The following AHI1 variants were observed in gnomAD, a reference collection of about 807,000 sequenced individuals.
The protein encoded by AHI1 is Abelson helper integration site 1, also known as jouberin.
A neutral mutation model predicts 149.3 loss-of-function variants in AHI1; 123 were observed. That is an observed-to-expected ratio of 0.82 (90% CI 0.71 to 0.96). The LOEUF (loss-of-function observed/expected upper bound fraction) is 0.96, where lower values mean the gene tolerates loss of function less well. AHI1 is among the 40% of genes least tolerant of loss of function. AHI1 has a pLI of 0.00. For synonymous variants in AHI1, 475 were observed against 459.8 expected (o/e 1.03, Z -0.42); for missense variants, 1,439 against 1,422.7 (o/e 1.01, Z -0.18).
intron 15 of AHI1, among the ~76,000 whole-genome samples, chr6:135,437,509 C>A (rs567013463): frequency 6.6e-6 from 1 of 152,276 alleles, no homozygotes; most frequent in Admixed American, 6.5e-5. Context: ...TAAATAAAAA[C>A]TAACCAATAA....
chr6:135,431,396 C>T (rs553670308), intron 16 of AHI1, 82 bp from the exon 17 acceptor site: 3 of 809,320 alleles, frequency 3.7e-6, no homozygotes, highest in Admixed American at 2.8e-5. Context: ...GGAAACTATA[C>T]CCCAGTAAAA....
At position 135,301,172 on chromosome 6, in the gene AHI1, G is replaced by C. The variant is rs1783831812; in HGVS notation, c.3427-614C>G. On this transcript the variant is annotated intron_variant, in intron 26 of 28. Transcript: ENST00000265602. ...AAGTATACTGTGGGAAATTGAGTTTGATATGATATATAATCTATAAATCAA... is the reference window on the plus strand; with the variant it reads ...AAGTATACTGTGGGAAATTGAGTTTCATATGATATATAATCTATAAATCAA... 8.1e-6 allele frequency: 8 copies of C among 982,584 alleles called. No individual in the cohort carries two copies. In the South Asian group the frequency reaches 3.8e-4, roughly 46 times the overall value. The allele number at this position is 982,584 out of a possible 1,614,324, so 60.9% of individuals were successfully genotyped here.
chr6:135,321,037 T>C (rs1285513155), intron 25 of AHI1, among the ~76,000 whole-genome samples: 1 of 152,214 alleles, frequency 6.6e-6, no homozygotes, highest in Admixed American at 6.5e-5. Flanking sequence ...TCATACGGCC[T>C]ATGTTTTTTC....
chr6:135,388,901 A>T (rs757253076), intron 23 of AHI1, among the ~76,000 whole-genome samples: 1 of 151,972 alleles, frequency 6.6e-6, no homozygotes, highest in Non-Finnish European at 1.5e-5. Context: ...AATCCCAGCT[A>T]CTCAGGAGGC....
At chr6:135,460,655 C>G (rs2614256) in intron 8 of AHI1, among the ~76,000 whole-genome samples, 150,496 of 152,334 alleles carry the variant, frequency 0.99, 74,353 homozygotes, top group East Asian at 1. Context: ...GAAGGAAAAA[C>G]CTAGAGTATA....
chr6:135,302,650 T>A, intron 26 of AHI1: 1 of 1,166,798 alleles, frequency 8.6e-7, no homozygotes. Flanking sequence ...GTTTACCACT[T>A]ACTTGAAAAG....
At chr6:135,489,667 T>C (rs926516186) in intron 5 of AHI1, among the ~76,000 whole-genome samples, 9 of 152,090 alleles carry the variant, frequency 5.9e-5, no homozygotes, top group African/African-American at 2.2e-4. Context: ...CTGTCAGTAG[T>C]TCGAAATTTT....
At chr6:135,368,697 G>C (rs2614284) in intron 23 of AHI1, among the ~76,000 whole-genome samples, 2 of 151,816 alleles carry the variant, frequency 1.3e-5, no homozygotes, top group Non-Finnish European at 2.9e-5. Context: ...GTAGTTACAG[G>C]CCTCACCCAG....
chr6:135,300,400 A>G, intron 27 of AHI1, 100 bp downstream of exon 27: 3 of 1,219,050 alleles, frequency 2.5e-6, no homozygotes, highest in East Asian at 2.7e-5. Flanking sequence ...AATTTAACTT[A>G]TAGTTTGATA....
chr6:135,425,450 A>G (rs1463174014), intron 20 of AHI1, among the ~76,000 whole-genome samples: 1 of 151,940 alleles, frequency 6.6e-6, no homozygotes, highest in Non-Finnish European at 1.5e-5. Context: ...TAGCATATTA[A>G]AACAGAAATT....
At chr6:135,335,680 C>A (rs1020891839) in intron 24 of AHI1, among the ~76,000 whole-genome samples, 45 of 152,026 alleles carry the variant, frequency 3.0e-4, no homozygotes, top group Non-Finnish European at 5.9e-4. Context: ...ATTTTAAATT[C>A]TCTTAATGAA....
chr6:135,486,752 ATATTT>A (rs957822684), intron 5 of AHI1, among the ~76,000 whole-genome samples: 2 of 152,018 alleles, frequency 1.3e-5, no homozygotes, highest in East Asian at 1.9e-4. Flanking sequence ...AAAATACCTG[ATATTT>A]TATTTTATTT....
chr6:135,387,892 G>A (rs1777833966), intron 23 of AHI1: 9 of 1,570,418 alleles, frequency 5.7e-6, no homozygotes, highest in East Asian at 2.3e-5. Flanking sequence ...ACATTTATCC[G>A]AAGAGAGAAA....
intron 26 of AHI1, among the ~76,000 whole-genome samples, chr6:135,315,791 C>T (rs1172594661): frequency 6.6e-6 from 1 of 152,166 alleles, no homozygotes; most frequent in Non-Finnish European, 1.5e-5. Context: ...CACTCCTTTG[C>T]CACTCGCATT....
chr6:135,488,797 CAAG>C (rs1283764165), intron 5 of AHI1, among the ~76,000 whole-genome samples: 4 of 152,054 alleles, frequency 2.6e-5, no homozygotes, highest in African/African-American at 4.8e-5. Flanking sequence ...GTTCTTCTTT[CAAG>C]AAGAAGTCCT....
chr6:135,416,333 A>C (rs1216600933), intron 20 of AHI1, among the ~76,000 whole-genome samples: 1 of 152,026 alleles, frequency 6.6e-6, no homozygotes, highest in African/African-American at 2.4e-5. Flanking sequence ...TTCACTAAAA[A>C]TTAATTAGTA....
intron 25 of AHI1, among the ~76,000 whole-genome samples, chr6:135,322,586 G>A (rs979829405): frequency 6.6e-6 from 1 of 152,016 alleles, no homozygotes; most frequent in Non-Finnish European, 1.5e-5. Context: ...ACATCACATG[G>A]TAAGTTCTAG....
chr6:135,369,559 T>C (rs1466716583), intron 23 of AHI1, among the ~76,000 whole-genome samples: 3 of 152,232 alleles, frequency 2.0e-5, no homozygotes, highest in African/African-American at 7.2e-5. Context: ...CCATTATTTC[T>C]TCAAATATTT....
At chr6:135,313,260 T>C (rs1189932339) in intron 26 of AHI1, among the ~76,000 whole-genome samples, 2 of 152,170 alleles carry the variant, frequency 1.3e-5, no homozygotes, top group Admixed American at 1.3e-4. Flanking sequence ...AGCACATTCC[T>C]AAGAGAAAAA....
Sources: allele counts gnomAD v4.1 joint callset (sites outside exome capture counted in the v4.1 genomes callset), GRCh38; gene constraint gnomAD v4.1.1; transcripts MANE v1.5; gene names NCBI Gene and HGNC (gene_info 2026-07-23, HGNC 2026-07-21).